ST14: variants seen among roughly 807,000 people sequenced by gnomAD.
ST14 encodes ST14 transmembrane serine protease matriptase.
In ST14, 40 loss-of-function variants were observed where a neutral mutation model predicts 96.5. The observed-to-expected ratio is 0.41, with a 90% CI of 0.32 to 0.54. ST14 has a LOEUF of 0.54. ST14 is among the 20% of genes least tolerant of loss of function. The pLI, the probability that ST14 is intolerant of heterozygous loss-of-function variation, is 0.17. For synonymous variants in ST14, 506 were observed against 492.1 expected, an observed-to-expected ratio of 1.03 and a Z score of -0.37; for missense variants, 1,066 against 1,188.9, an observed-to-expected ratio of 0.90 and a Z score of 1.52.
At position 130,206,670 on chromosome 11, in the gene ST14, C is replaced by CAA. The variant is rs1953493095; in HGVS notation, c.1995-1739_1995-1738dup. On this transcript the variant is annotated intron_variant, in intron 16 of 18. Transcript: ENST00000278742. ...GCAACCTCTGCCTCCTGGGTTCAAGCAATTCTCCTGCCTCAGCCTCCTGAG... is the reference window on the plus strand; with the variant it reads ...GCAACCTCTGCCTCCTGGGTTCAAGCAAAATTCTCCTGCCTCAGCCTCCTGAG... Among the ~76,000 whole-genome samples, 7 of 151,526 alleles carry CAA rather than the reference C, an allele frequency of 4.6e-5. No homozygotes were observed. In the South Asian group the frequency reaches 1.5e-3, roughly 32 times the overall value.
chr11:130,209,410 C>G (rs1322886594), intron 17 of ST14, 32 bp from the exon 18 acceptor site: 1 of 1,564,778 alleles, frequency 6.4e-7, no homozygotes. Flanking sequence ...CGAAGCAGCC[C>G]GGCTCTCAGC....
At position 130,196,635 on chromosome 11, in the gene ST14, A is replaced by T. The variant is rs776663298; in HGVS notation, c.1289A>T (p.His430Leu). The T allele has an allele frequency of 1.2e-6, 2 of 1,613,430 alleles. No homozygotes were observed. The highest frequency in any genetic ancestry group is 2.2e-5 in the South Asian group (2 of 91,034). Residue 430 changes from histidine (H) to leucine (L), a missense_variant, in exon 11 of 19, where the codon CAC becomes CTC. By Grantham distance (99) the His-to-Leu change is moderately conservative. Coordinates refer to ENST00000278742, the MANE Select transcript of ST14 (RefSeq NM_021978.4). Reference sequence around the variant, plus strand: ...AGCAACAAGATCACAGTTCGCTTCCACTCAGATCAGTCCTACACCGACACC... The same window carrying T: ...AGCAACAAGATCACAGTTCGCTTCCTCTCAGATCAGTCCTACACCGACACC... ...SNSNKITVRF[H>L]SDQSYTDTGF...
At position 130,198,956 on chromosome 11, in the gene ST14, T is replaced by C; in HGVS notation, c.1694T>C (p.Val565Ala). 6.2e-7 allele frequency: 1 copy of C among 1,614,068 alleles called. No homozygotes were observed. The highest frequency in any genetic ancestry group is 8.5e-7 in the Non-Finnish European group (1 of 1,179,974). Residue 565 changes from valine to alanine, a missense_variant, in exon 15 of 19, where the codon GTC becomes GCC. Val to Ala is a moderately conservative substitution (Grantham distance 64, BLOSUM62 0). Transcript: ENST00000278742. ...CCTCCTCCTTGAACAGTGAACGTCGTCACTTGTACCAAACACACCTACCGC... is the reference window on the plus strand; with the variant it reads ...CCTCCTCCTTGAACAGTGAACGTCGCCACTTGTACCAAACACACCTACCGC... ...DEASCPKVNV[V>A]TCTKHTYRCL... is the part of the protein sequence containing the mutation.
chr11:130,165,685 T>G (rs1953035715), intron 1 of ST14, among the ~76,000 whole-genome samples: 1 of 152,062 alleles, frequency 6.6e-6, no homozygotes, highest in South Asian at 2.1e-4. Flanking sequence ...GTTGAAAGGG[T>G]GGAGAAGAAT....
intron 7 of ST14, 27 bp from the exon 8 acceptor site, chr11:130,194,122 C>T (rs368548976): frequency 2.5e-6 from 4 of 1,614,144 alleles, no homozygotes; most frequent in Non-Finnish European, 3.4e-6. Flanking sequence ...GTCTGCTCTT[C>T]CTAATGCCCG....
chr11:130,188,726 A>T lies in ST14; in HGVS notation c.369+69A>T. The T allele has an allele frequency of 2.5e-6, 4 of 1,612,776 alleles. No homozygotes were observed. Among genetic ancestry groups the T allele is most frequent in the Non-Finnish European group, 3.4e-6 (4 of 1,179,316 alleles). ...GTGTCCCACCTGCTGGGCAGGAGGG[A>T]CATGCCTCGCCTGTGCTCCCAGGGC... On this transcript the variant is annotated intron_variant, in intron 3 of 18. Coordinates refer to ENST00000278742, the MANE Select transcript of ST14 (RefSeq NM_021978.4). The surrounding 1 kb of genome is among the most constrained non-coding windows in gnomAD (Gnocchi z 5.4).
intron 16 of ST14, among the ~76,000 whole-genome samples, chr11:130,207,676 G>T (rs1193267607): frequency 6.6e-6 from 1 of 152,258 alleles, no homozygotes; most frequent in Admixed American, 6.5e-5. Flanking sequence ...ACGTGGAAAA[G>T]CTTCTGAATT....
intron 9 of ST14, 72 bp downstream of exon 9, chr11:130,194,809 CAGATGTGTGT>C (rs999227470): frequency 4.3e-5 from 62 of 1,432,682 alleles, no homozygotes; most frequent in Admixed American, 8.6e-5. Context: ...TCTCCCTGTG[CAGATGTGTGT>C]GGATGTGTGT....
chr11:130,176,491 C>T (rs1356788136), intron 1 of ST14, among the ~76,000 whole-genome samples: 1 of 151,540 alleles, frequency 6.6e-6, no homozygotes, highest in East Asian at 2.0e-4. Context: ...CGGGTTCACA[C>T]CGTTCTCCTG....
chr11:130,193,212 G>A (rs1044797594), intron 7 of ST14, among the ~76,000 whole-genome samples: 5 of 151,514 alleles, frequency 3.3e-5, no homozygotes, highest in South Asian at 2.1e-4. Context: ...GCCTTGCCCC[G>A]GAGTAGCTGG....
intron 1 of ST14, among the ~76,000 whole-genome samples, chr11:130,168,328 G>T (rs1342530978): frequency 6.6e-6 from 1 of 152,210 alleles, no homozygotes; most frequent in Non-Finnish European, 1.5e-5. Context: ...GACTAAGGGT[G>T]AGATGGAACC....
At position 130,192,240 on chromosome 11, in the gene ST14, G is replaced by A. The variant is rs148739346; in HGVS notation, c.875+1546G>A. Among the ~76,000 whole-genome samples the A allele has an allele frequency of 5.6e-3, 857 of 152,284 alleles. 5 individuals carry two copies. The highest frequency in any genetic ancestry group is 8.4e-3 in the Non-Finnish European group (572 of 68,024). On this transcript the variant is annotated intron_variant, in intron 7 of 18. Coordinates refer to ENST00000278742, the MANE Select transcript of ST14 (RefSeq NM_021978.4). ...CAAGAACAACCTAGAACCATCTGCC[G>A]CCACAGCTTCGTAACCAGGACTTCT...
At position 130,160,617 on chromosome 11, in the gene ST14, G is replaced by A. The variant is rs1952991909; in HGVS notation, c.81+557G>A. On this transcript the variant is annotated intron_variant, in intron 1 of 18. Coordinates refer to ENST00000278742, the MANE Select transcript of ST14 (RefSeq NM_021978.4). Reference sequence around the variant, plus strand: ...GGCTTGCCTGGGCTTCTCGAGAGGGGATGGAGCCCTTTGGGAAGGCGGCTG... The same window carrying A: ...GGCTTGCCTGGGCTTCTCGAGAGGGAATGGAGCCCTTTGGGAAGGCGGCTG... 2.0e-5 allele frequency among the ~76,000 whole-genome samples: 3 copies of A among 152,314 alleles called. No homozygotes were observed. In the East Asian group the frequency reaches 5.8e-4, roughly 30 times the overall value.
At position 130,209,684 on chromosome 11, in the gene ST14, CCA is replaced by C; in HGVS notation, c.2430_2431del (p.Ser811ArgfsTer86). 6.2e-7 allele frequency: 1 copy of C among 1,613,304 alleles called. No homozygotes were observed. The highest frequency in any genetic ancestry group is 8.5e-7 in the Non-Finnish European group (1 of 1,179,904). ...CAGGGTGATTCCGGGGGACCCCTGT[CCA>C]GCGTGGAGGCGGATGGGCGGATCTT... is the stretch of plus-strand genomic sequence containing the variant. On this transcript the variant is annotated frameshift_variant, in exon 19 of 19. Coordinates refer to ENST00000278742, the MANE Select transcript of ST14 (RefSeq NM_021978.4). LOFTEE classifies it high-confidence loss of function.
intron 1 of ST14, among the ~76,000 whole-genome samples, chr11:130,172,389 A>T (rs1953100243): frequency 7.0e-6 from 1 of 142,706 alleles, no homozygotes. Flanking sequence ...TCCAGGCATG[A>T]GCCACTGTGC....
chr11:130,189,686 C>G (rs781577716), intron 4 of ST14, 53 bp from the exon 5 acceptor site: 4 of 1,600,288 alleles, frequency 2.5e-6, no homozygotes, highest in Non-Finnish European at 2.5e-6. Context: ...TCTGGGCGCA[C>G]GTGGGGGAAA....
rs193001522 is a variant in ST14, at chr11:130,187,840, G to A, written c.82-274G>A. ...GCGTTTTAATTTAAATGAACAATTC[G>A]TAAGCAATGATCGCCTGGTGCTGTC... On this transcript the variant is annotated intron_variant, in intron 1 of 18. Coordinates refer to ENST00000278742, the MANE Select transcript of ST14 (RefSeq NM_021978.4). The surrounding 1 kb of genome is among the most constrained non-coding windows in gnomAD (Gnocchi z 4.5). 3.0e-4 allele frequency among the ~76,000 whole-genome samples: 46 copies of A among 152,282 alleles called. No individual in the cohort carries two copies. The East Asian group carries it at 7.9e-3, about 26-fold the overall frequency.
chr11:130,200,961 C>T (rs1591894655), intron 16 of ST14, among the ~76,000 whole-genome samples: 1 of 152,344 alleles, frequency 6.6e-6, no homozygotes, highest in African/African-American at 2.4e-5. Flanking sequence ...GCCGGTGGCC[C>T]TGGGCAGGTT....
chr11:130,167,677 A>G (rs1953054524), intron 1 of ST14, among the ~76,000 whole-genome samples: 1 of 151,992 alleles, frequency 6.6e-6, no homozygotes, highest in African/African-American at 2.4e-5. Flanking sequence ...GAATTACTCC[A>G]AGGAGATGCC....
Sources: allele counts gnomAD v4.1 joint callset (sites outside exome capture counted in the v4.1 genomes callset), GRCh38; gene constraint gnomAD v4.1.1; non-coding constraint Gnocchi (gnomAD v3.1); transcripts MANE v1.5; gene names NCBI Gene and HGNC (gene_info 2026-07-23, HGNC 2026-07-21).